CACNB4: variants seen among roughly 807,000 people sequenced by gnomAD.
CACNB4 encodes voltage-dependent L-type calcium channel subunit beta-4.
A neutral mutation model predicts 71.2 loss-of-function variants in CACNB4; 32 were observed. The ratio of observed to expected loss-of-function variants is 0.45; its 90% CI spans 0.34 to 0.60. The LOEUF is 0.60. Ranked by LOEUF, CACNB4 falls within the 20% of genes least tolerant of loss-of-function variation. The probability of loss-of-function intolerance (pLI) is 0.01; values close to 1 mark genes in which losing one functional copy is unlikely to be tolerated. For synonymous variants in CACNB4, 231 were observed against 236.9 expected (o/e 0.97, Z 0.23); for missense variants, 464 against 647.9 (o/e 0.72, Z 3.08).
intron 2 of CACNB4, among the ~76,000 whole-genome samples, chr2:152,079,506 CTGGGCATGG>C (rs774879979): frequency 3.3e-5 from 5 of 152,132 alleles, no homozygotes; most frequent in African/African-American, 4.8e-5. Flanking sequence ...CCCTGCTTGG[CTGGGCATGG>C]TGGCACACAC....
At chr2:152,080,412 C>T (rs1255879567) in intron 2 of CACNB4, among the ~76,000 whole-genome samples, 3 of 152,078 alleles carry the variant, frequency 2.0e-5, no homozygotes, top group Non-Finnish European at 4.4e-5. Context: ...TGAGCCACTG[C>T]GCCTGGCCAA....
chr2:152,026,839 A>G (rs746335998), intron 2 of CACNB4, among the ~76,000 whole-genome samples: 1 of 152,036 alleles, frequency 6.6e-6, no homozygotes, highest in Admixed American at 6.6e-5. Flanking sequence ...TGGTATCCAT[A>G]TTGTTAAGTC....
intron 2 of CACNB4, among the ~76,000 whole-genome samples, chr2:152,004,091 A>C (rs1307706366): frequency 6.6e-6 from 1 of 152,144 alleles, no homozygotes; most frequent in Non-Finnish European, 1.5e-5. Flanking sequence ...AAGCGCTGGG[A>C]CTATAGGCAT....
chr2:151,972,231 C>T (rs1187721360), intron 2 of CACNB4: 1 of 152,498 alleles, frequency 6.6e-6, no homozygotes, highest in African/African-American at 2.4e-5. Context: ...TAAAATGACT[C>T]CAGTCCACTT....
intron 10 of CACNB4, chr2:151,859,631 C>G (rs2099841144): frequency 6.6e-6 from 1 of 152,152 alleles, no homozygotes; most frequent in South Asian, 2.1e-4. Context: ...GTGGAAGGCT[C>G]TAAATACAAG....
At chr2:151,915,123 C>G (rs1446327485) in intron 2 of CACNB4, among the ~76,000 whole-genome samples, 1 of 152,186 alleles carries the variant, frequency 6.6e-6, no homozygotes, top group East Asian at 1.9e-4. Context: ...CACACCTCCC[C>G]CTAGAGGCTC....
At chr2:152,039,613 C>A (rs1408885577) in intron 2 of CACNB4, among the ~76,000 whole-genome samples, 1 of 152,116 alleles carries the variant, frequency 6.6e-6, no homozygotes, top group Non-Finnish European at 1.5e-5. Context: ...AGGATAAGAG[C>A]CTTGTTATAT....
intron 2 of CACNB4, among the ~76,000 whole-genome samples, chr2:151,955,914 A>C (rs1191225930): frequency 9.1e-6 from 1 of 110,472 alleles, no homozygotes; most frequent in Non-Finnish European, 2.4e-5. Flanking sequence ...AAAATAAAAA[A>C]TAGAAAAAAA....
At chr2:151,955,721 A>G (rs1394688830) in intron 2 of CACNB4, among the ~76,000 whole-genome samples, 1 of 151,970 alleles carries the variant, frequency 6.6e-6, no homozygotes. Context: ...CCCCGGCAAC[A>G]TAGTGAGACC....
At chr2:152,057,853 A>G (rs777063732) in intron 2 of CACNB4, among the ~76,000 whole-genome samples, 1 of 152,190 alleles carries the variant, frequency 6.6e-6, no homozygotes, top group African/African-American at 2.4e-5. Context: ...AGGACATACT[A>G]TAATACAACT....
At chr2:151,976,145 TGTG>T (rs2099873752) in intron 2 of CACNB4, among the ~76,000 whole-genome samples, 1 of 152,230 alleles carries the variant, frequency 6.6e-6, no homozygotes, top group African/African-American at 2.4e-5. Flanking sequence ...TATAGCAGCC[TGTG>T]GTTGCTCCTG....
chr2:151,874,787 G>A (rs78256326), intron 5 of CACNB4: 5,185 of 391,186 alleles, frequency 0.013, 48 homozygotes, highest in Non-Finnish European at 0.018. Context: ...TGCAGGCTGC[G>A]ACACAATACA....
In CACNB4 at chr2:151,855,208, G is replaced by C. The variant is rs778431925; in HGVS notation, c.1020+16C>G. 35 of 1,514,636 alleles carry C rather than the reference G, an allele frequency of 2.3e-5. No homozygotes were observed. The highest frequency in any genetic ancestry group is 2.8e-5 in the Non-Finnish European group (31 of 1,112,074). 93.8% of individuals were successfully genotyped at this position (1,514,636 alleles called of 1,614,324 possible). The stretch of plus-strand genomic sequence containing the variant: ...AGATGCACTTCTAAACCTTAAGGCA[G>C]AAAGGAGCTAATTACCTTTGGAGAT... On this transcript the variant is annotated intron_variant, in intron 11 of 13. Transcript: ENST00000539935.
In CACNB4 at chr2:151,905,686, A is replaced by T. The variant is rs555521370; in HGVS notation, c.148-22316T>A. 4.6e-5 allele frequency among the ~76,000 whole-genome samples: 7 copies of T among 152,364 alleles called. No homozygotes were observed. In the East Asian group the frequency reaches 9.6e-4, roughly 21 times the overall value. On this transcript the variant is annotated intron_variant, in intron 2 of 13. Transcript: ENST00000539935. ...AAATGGTTATTCTTCACAACTCAAG[A>T]AAACATGACATGTAAGGCCCAGCAA...
rs536418825 is a variant in CACNB4 at position 152,005,129 on chromosome 2, T to C, written c.147+93201A>G. 2.6e-5 allele frequency among the ~76,000 whole-genome samples: 4 copies of C among 152,314 alleles called. No individual in the cohort carries two copies. In the South Asian group the frequency reaches 8.3e-4, roughly 32 times the overall value. ...GCACTTTGGAAATTTTGCAAAGAAC[T>C]AAAAATAGAACTACCATTCAACCCA... is the stretch of plus-strand genomic sequence containing the variant. On this transcript the variant is annotated intron_variant, in intron 2 of 13. Coordinates refer to ENST00000539935, the MANE Select transcript of CACNB4 (RefSeq NM_000726.5).
At chr2:151,874,881 T>C (rs904231560) in intron 5 of CACNB4, 2 of 398,638 alleles carry the variant, frequency 5.0e-6, no homozygotes, top group Non-Finnish European at 8.8e-6. Context: ...CTCTGAGATC[T>C]ACATGCCTAC....
intron 2 of CACNB4, among the ~76,000 whole-genome samples, chr2:152,039,435 T>A (rs929808052): frequency 1.3e-5 from 2 of 150,604 alleles, no homozygotes; most frequent in Non-Finnish European, 3.0e-5. Flanking sequence ...AAAAAGAATC[T>A]TACTATTCCC....
chr2:151,990,525 G>A (rs748542290), intron 2 of CACNB4, among the ~76,000 whole-genome samples: 1 of 152,174 alleles, frequency 6.6e-6, no homozygotes, highest in Non-Finnish European at 1.5e-5. Context: ...GTGAGCTCCA[G>A]GAGGAACAGG....
intron 2 of CACNB4, among the ~76,000 whole-genome samples, chr2:152,035,651 C>CTCTCTCTCTCTCTATATA (rs796161186): frequency 3.1e-4 from 37 of 118,070 alleles, no homozygotes; most frequent in African/African-American, 1.2e-3. Flanking sequence ...CTCTCTCTCT[C>CTCTCTCTCTCTCTATATA]TATATATATA....
Sources: allele counts gnomAD v4.1 joint callset (sites outside exome capture counted in the v4.1 genomes callset), GRCh38; gene constraint gnomAD v4.1.1; transcripts MANE v1.5; gene names NCBI Gene and HGNC (gene_info 2026-07-23, HGNC 2026-07-21).